HMG20A: variants seen among roughly 807,000 people sequenced by gnomAD.
HMG20A encodes the protein high mobility group 20A, also known as high mobility group protein 20A.
A neutral mutation model predicts 43.9 loss-of-function variants in HMG20A; 17 were observed. The ratio of observed to expected loss-of-function variants is 0.39; its 90% CI spans 0.27 to 0.58. The LOEUF is 0.58. Among genes scored for constraint, HMG20A ranks in the 20% least tolerant of loss-of-function variants. HMG20A has a pLI of 0.59. For synonymous variants in HMG20A, 132 were observed against 147.5 expected, an observed-to-expected ratio of 0.89 and a Z score of 0.76; for missense variants, 341 against 438.2, an observed-to-expected ratio of 0.78 and a Z score of 1.98.
chr15:77,478,387 A>G lies in HMG20A; in HGVS notation c.784A>G (p.Thr262Ala), dbSNP rs533348674. 1 of 1,613,556 alleles carries G rather than the reference A, an allele frequency of 6.2e-7. No individual in the cohort carries two copies. Among genetic ancestry groups the G allele is most frequent in the East Asian group, 2.2e-5 (1 of 44,884 alleles). ...GCAAAAGCACGTGGAGAGCATGCGC[A>G]CAGCAGTGGAGAAGCTGGAGGTGGA... The part of the protein sequence containing the change: ...ALQKHVESMR[T>A]AVEKLEVDVI... Residue 262 changes from threonine to alanine, a missense_variant, in exon 8 of 10, where the codon ACA becomes GCA. Physicochemically the swap from Thr to Ala is moderately conservative, Grantham distance 58 (BLOSUM62 0). Coordinates refer to ENST00000336216, the MANE Select transcript of HMG20A (RefSeq NM_001304504.2).
intron 9 of HMG20A, among the ~76,000 whole-genome samples, chr15:77,480,625 AC>A (rs993216299): frequency 2.0e-5 from 3 of 151,268 alleles, no homozygotes; most frequent in South Asian, 2.1e-4. Context: ...AAAAAAAAAA[AC>A]AAAATAAAAA....
chr15:77,472,301 G>T (rs1236210123), intron 6 of HMG20A, among the ~76,000 whole-genome samples: 1 of 152,134 alleles, frequency 6.6e-6, no homozygotes, highest in East Asian at 1.9e-4. Flanking sequence ...TTGAGATAGA[G>T]TCTCACTCTG....
At chr15:77,426,760 T>C (rs918232877) in intron 1 of HMG20A, among the ~76,000 whole-genome samples, 1 of 152,028 alleles carries the variant, frequency 6.6e-6, no homozygotes, top group African/African-American at 2.4e-5. Context: ...ATAGAGAATT[T>C]TGAATGGAGC....
chr15:77,494,086 C>T, the HMG20A span, among the ~76,000 whole-genome samples: 1 of 152,128 alleles, frequency 6.6e-6, no homozygotes, highest in Non-Finnish European at 1.5e-5. Context: ...CTGCAGCCAC[C>T]CCTGGCTAAA....
chr15:77,464,243 A>G lies in HMG20A; in HGVS notation c.93A>G (p.Leu31=). 2 of 1,613,580 alleles carry G rather than the reference A, an allele frequency of 1.2e-6. No individual in the cohort carries two copies. Among genetic ancestry groups the G allele is most frequent in the South Asian group, 2.2e-5 (2 of 91,032 alleles). Residue 31 remains leucine, a synonymous_variant, in exon 3 of 10, where the codon TTA becomes TTG. Coordinates refer to ENST00000336216, the MANE Select transcript of HMG20A (RefSeq NM_001304504.2). ...GATACTTCTGCCTATTATTCAGGTT[A>G]AATCACCCAGAGGTTCCATACAGTA... ...KESNDLATTG[L]NHPEVPYSSG...
downstream of HMG20A, among the ~76,000 whole-genome samples, chr15:77,486,807 T>G (rs982472230): frequency 2.6e-5 from 4 of 152,182 alleles, no homozygotes; most frequent in Admixed American, 2.6e-4. Context: ...GGTAACAGAA[T>G]CCACCTTGCC....
intron 1 of HMG20A, among the ~76,000 whole-genome samples, chr15:77,453,423 A>T (rs1421340668): frequency 6.6e-6 from 1 of 152,140 alleles, no homozygotes; most frequent in Non-Finnish European, 1.5e-5. Flanking sequence ...AAAAAAGATA[A>T]TACCAAGTGT....
chr15:77,444,579 C>T (rs1185863351), intron 1 of HMG20A, among the ~76,000 whole-genome samples: 1 of 152,142 alleles, frequency 6.6e-6, no homozygotes, highest in Non-Finnish European at 1.5e-5. Context: ...AATCTAACCA[C>T]TTGTTCTGAA....
chr15:77,481,741 G>A (rs1478021676), intron 9 of HMG20A, among the ~76,000 whole-genome samples: 1 of 152,148 alleles, frequency 6.6e-6, no homozygotes, highest in Non-Finnish European at 1.5e-5. Flanking sequence ...GATTCTTACA[G>A]TCTAGCCATG....
At chr15:77,449,487 A>G (rs2073711693) in intron 1 of HMG20A, among the ~76,000 whole-genome samples, 2 of 151,770 alleles carry the variant, frequency 1.3e-5, no homozygotes, top group African/African-American at 2.4e-5. Context: ...CTGGTAGACT[A>G]CTCTCTAGTA....
At position 77,430,932 on chromosome 15, in the gene HMG20A, T is replaced by C. The variant is rs115333353; in HGVS notation, c.-5+9928T>C. Among the ~76,000 whole-genome samples the C allele has an allele frequency of 5.0e-3, 756 of 152,016 alleles. 6 individuals are homozygous for C. The highest frequency in any genetic ancestry group is 0.017 in the African/African-American group (717 of 41,476). On this transcript the variant is annotated intron_variant, in intron 1 of 9. Coordinates refer to ENST00000336216, the MANE Select transcript of HMG20A (RefSeq NM_001304504.2). ...GCAGTAATATTTTAAGAGACAGTGA[T>C]TGAGAATTTTCTAAAACCGATGACA...
At chr15:77,423,322 C>T (rs1194032233) in intron 1 of HMG20A, among the ~76,000 whole-genome samples, 1 of 151,998 alleles carries the variant, frequency 6.6e-6, no homozygotes, top group East Asian at 1.9e-4. Context: ...TCCATAGAAC[C>T]TGTTTTTATT....
intron 1 of HMG20A, among the ~76,000 whole-genome samples, chr15:77,440,666 C>T (rs1227361691): frequency 6.6e-6 from 1 of 152,122 alleles, no homozygotes; most frequent in African/African-American, 2.4e-5. Flanking sequence ...TCACTGTATT[C>T]AGGGGAAGGA....
In HMG20A at chr15:77,458,444, C is replaced by A. The variant is rs779867965; in HGVS notation, c.37C>A (p.Leu13Ile). The part of the protein sequence containing the change: ...NLMTSSTLPP[L>I]FADEDGSKES... ...GATGACTAGCTCCACCCTACCGCCC[C>A]TTTTTGCAGATGAAGACGGTTCCAA... is the stretch of plus-strand genomic sequence containing the variant. The change falls in exon 2 of 10, where the codon CTT (leucine) becomes ATT (isoleucine). Residue 13 changes from leucine to isoleucine, a missense_variant. This residue lies in a region of HMG20A where 220 missense variants were observed against 263.6 expected (regional missense o/e 0.83). Coordinates refer to ENST00000336216, the MANE Select transcript of HMG20A (RefSeq NM_001304504.2). 6 of 1,613,354 alleles carry A rather than the reference C, an allele frequency of 3.7e-6. No individual in the cohort carries two copies. Among genetic ancestry groups the A allele is most frequent in the African/African-American group, 1.3e-5 (1 of 74,870 alleles).
chr15:77,453,511 G>T (rs950242668), intron 1 of HMG20A, among the ~76,000 whole-genome samples: 2 of 152,134 alleles, frequency 1.3e-5, no homozygotes, highest in Non-Finnish European at 2.9e-5. Flanking sequence ...TTGAAAAACA[G>T]TTTGATTTTC....
chr15:77,478,059 CTGTT>C (rs1319242837), intron 7 of HMG20A: 2 of 562,218 alleles, frequency 3.6e-6, no homozygotes, highest in Non-Finnish European at 6.4e-6. Flanking sequence ...GGAATTGAAA[CTGTT>C]TGTTGCAATC....
chr15:77,450,210 A>G (rs1382896377), intron 1 of HMG20A, among the ~76,000 whole-genome samples: 3 of 151,970 alleles, frequency 2.0e-5, no homozygotes, highest in African/African-American at 4.8e-5. Context: ...GCTCACTGCA[A>G]GCTCTGCCTC....
At chr15:77,434,507 G>C (rs942502722) in intron 1 of HMG20A, among the ~76,000 whole-genome samples, 1 of 152,152 alleles carries the variant, frequency 6.6e-6, no homozygotes, top group African/African-American at 2.4e-5. Flanking sequence ...CAAGGGACTT[G>C]TAGAGCTCTT....
the HMG20A span, among the ~76,000 whole-genome samples, chr15:77,510,214 G>A: frequency 1.3e-5 from 2 of 152,166 alleles, no homozygotes; most frequent in Non-Finnish European, 2.9e-5. Flanking sequence ...TCTGCACACA[G>A]CATGCCTCAG....
Sources: allele counts gnomAD v4.1 joint callset (sites outside exome capture counted in the v4.1 genomes callset), GRCh38; gene constraint gnomAD v4.1.1; regional missense constraint gnomAD v4.1.1; transcripts MANE v1.5; gene names NCBI Gene and HGNC (gene_info 2026-07-23, HGNC 2026-07-21).